Variants in CACNA2D1 observed in about 807,000 individuals in gnomAD.
The protein encoded by CACNA2D1 is calcium voltage-gated channel auxiliary subunit alpha2delta 1, also known as voltage-dependent calcium channel subunit alpha-2/delta-1.
CACNA2D1 carries 53 observed loss-of-function variants against 171.5 expected under a neutral mutation model. The ratio of observed to expected loss-of-function variants is 0.31; its 90% CI spans 0.25 to 0.39. The LOEUF (loss-of-function observed/expected upper bound fraction) is 0.39. CACNA2D1 is among the 10% of genes least tolerant of loss of function. CACNA2D1 has a pLI of 1.00. For synonymous variants in CACNA2D1, 442 were observed against 443.1 expected (o/e 1.00, Z 0.03); for missense variants, 903 against 1,299.8 (o/e 0.69, Z 4.69).
chr7:82,030,630 T>C (rs1802570850), intron 12 of CACNA2D1, among the ~76,000 whole-genome samples: 1 of 151,816 alleles, frequency 6.6e-6, no homozygotes. Context: ...ACAAGATTCC[T>C]AGTGGTTGCT....
At chr7:82,082,697 C>T (rs1809946348) in intron 7 of CACNA2D1, among the ~76,000 whole-genome samples, 1 of 151,166 alleles carries the variant, frequency 6.6e-6, no homozygotes, top group South Asian at 2.1e-4. Flanking sequence ...TAATGTTTCA[C>T]TGGAAACCCG....
At position 81,984,425 on chromosome 7, in the gene CACNA2D1, G is replaced by T. The variant is rs113118147; in HGVS notation, c.1873+210C>A. Among the ~76,000 whole-genome samples, 1,407 of 152,234 alleles carry T rather than the reference G, an allele frequency of 9.2e-3. 21 individuals carry two copies. The highest frequency in any genetic ancestry group is 0.032 in the African/African-American group (1,340 of 41,530). Reference sequence around the variant, plus strand: ...GGGAAGGGTGGTGGGGACTGCCAGTGAGACTGGAGTACCTGCTCATATTCT... The same window carrying T: ...GGGAAGGGTGGTGGGGACTGCCAGTTAGACTGGAGTACCTGCTCATATTCT... On this transcript the variant is annotated intron_variant, in intron 22 of 38. Coordinates refer to ENST00000356860, the MANE Select transcript of CACNA2D1 (RefSeq NM_000722.4).
chr7:82,226,627 G>A (rs74893694), intron 3 of CACNA2D1, among the ~76,000 whole-genome samples: 14,733 of 152,048 alleles, frequency 0.097, 1,714 homozygotes, highest in African/African-American at 0.25. Context: ...TCATTCAATC[G>A]TGCATTATAT....
intron 3 of CACNA2D1, among the ~76,000 whole-genome samples, chr7:82,224,296 G>C (rs904850124): frequency 1.3e-5 from 2 of 152,120 alleles, no homozygotes; most frequent in South Asian, 2.1e-4. Context: ...AATAAGAATA[G>C]CTAATATTTG....
At chr7:82,149,008 A>C (rs1793477115) in intron 4 of CACNA2D1, among the ~76,000 whole-genome samples, 2 of 152,188 alleles carry the variant, frequency 1.3e-5, no homozygotes, top group Non-Finnish European at 2.9e-5. Flanking sequence ...GAGAAGAGTC[A>C]CTACACATCA....
intron 4 of CACNA2D1, among the ~76,000 whole-genome samples, chr7:82,139,951 T>TTATTAC (rs1300518533): frequency 6.7e-6 from 1 of 148,294 alleles, no homozygotes; most frequent in Non-Finnish European, 1.5e-5. Context: ...CTGGCTATTA[T>TTATTAC]TATTATTATT....
At chr7:82,117,964 T>C (rs982410200) in intron 5 of CACNA2D1, among the ~76,000 whole-genome samples, 6 of 152,340 alleles carry the variant, frequency 3.9e-5, no homozygotes, top group Non-Finnish European at 8.8e-5. Context: ...AGAAATAATA[T>C]GGCAATGAAG....
intron 11 of CACNA2D1, among the ~76,000 whole-genome samples, chr7:82,034,166 T>C (rs1236799368): frequency 6.6e-6 from 1 of 152,128 alleles, no homozygotes; most frequent in Non-Finnish European, 1.5e-5. Flanking sequence ...CAACATATCA[T>C]TTCAGATCAG....
At chr7:82,348,256 G>A (rs1029214034) in intron 2 of CACNA2D1, among the ~76,000 whole-genome samples, 3 of 152,102 alleles carry the variant, frequency 2.0e-5, no homozygotes, top group Non-Finnish European at 4.4e-5. Flanking sequence ...CTTTCATAGA[G>A]GCTCACTTAC....
chr7:82,353,273 A>C (rs1212000297), intron 1 of CACNA2D1, among the ~76,000 whole-genome samples: 4 of 152,142 alleles, frequency 2.6e-5, no homozygotes, highest in Admixed American at 6.6e-5. Flanking sequence ...TTGGATATAG[A>C]AAGTGAAGGA....
chr7:82,274,750 A>C (rs929309183), intron 3 of CACNA2D1, among the ~76,000 whole-genome samples: 1 of 152,038 alleles, frequency 6.6e-6, no homozygotes, highest in Non-Finnish European at 1.5e-5. Context: ...TAGATTACAA[A>C]CTCTATGAGG....
At chr7:82,194,896 A>G (rs1471694437) in intron 3 of CACNA2D1, among the ~76,000 whole-genome samples, 1 of 149,564 alleles carries the variant, frequency 6.7e-6, no homozygotes, top group Admixed American at 6.7e-5. Context: ...CAGCACAAGA[A>G]TGGGGGGCGG....
chr7:82,342,644 A>T (rs918026841), intron 2 of CACNA2D1, among the ~76,000 whole-genome samples: 1 of 152,210 alleles, frequency 6.6e-6, no homozygotes, highest in Non-Finnish European at 1.5e-5. Context: ...GAGTGTTCCA[A>T]TGAAGAGATA....
At chr7:82,349,366 A>G (rs1819595058) in intron 2 of CACNA2D1, among the ~76,000 whole-genome samples, 1 of 152,196 alleles carries the variant, frequency 6.6e-6, no homozygotes, top group African/African-American at 2.4e-5. Flanking sequence ...AAGTGTGCTG[A>G]GAAAGTTTCC....
chr7:82,296,767 T>C (rs1316734662), intron 3 of CACNA2D1, among the ~76,000 whole-genome samples: 1 of 152,110 alleles, frequency 6.6e-6, no homozygotes, highest in South Asian at 2.1e-4. Flanking sequence ...TAGGTGAATA[T>C]GAATTTTTGC....
chr7:82,230,607 C>G (rs1585164909), intron 3 of CACNA2D1, among the ~76,000 whole-genome samples: 1 of 152,092 alleles, frequency 6.6e-6, no homozygotes, highest in African/African-American at 2.4e-5. Context: ...AATTTGGTAG[C>G]CAAATGGGTG....
intron 3 of CACNA2D1, among the ~76,000 whole-genome samples, chr7:82,315,472 A>T (rs1309385830): frequency 6.6e-6 from 1 of 152,228 alleles, no homozygotes; most frequent in Non-Finnish European, 1.5e-5. Flanking sequence ...CAGTCATCAA[A>T]GTAAACATCA....
rs1554324643 is a variant in CACNA2D1 at position 81,955,910 on chromosome 7, G to GTT, written c.3159+3364_3159+3365insAA. Among the ~76,000 whole-genome samples, 11 of 15,800 alleles carry GTT rather than the reference G, an allele frequency of 7.0e-4. 1 individual carries two copies. Among genetic ancestry groups the GTT allele is most frequent in the African/African-American group, 1.6e-3 (9 of 5,568 alleles). The allele number at this position is 15,800 out of a possible 152,430, so 10.4% of individuals were successfully genotyped here. On this transcript the variant is annotated intron_variant, in intron 38 of 38. Transcript: ENST00000356860. ...ATAGGAAAATGTTATTTTGGTGGGG[G>GTT]GGGGGGGGGGTGGTGGTCTTAGGTT...
intron 6 of CACNA2D1, among the ~76,000 whole-genome samples, chr7:82,106,491 C>A (rs1271328418): frequency 6.6e-6 from 1 of 151,986 alleles, no homozygotes; most frequent in Non-Finnish European, 1.5e-5. Context: ...TGCACACATT[C>A]TTTTTCATGT....
Sources: allele counts gnomAD v4.1 joint callset (sites outside exome capture counted in the v4.1 genomes callset), GRCh38; gene constraint gnomAD v4.1.1; transcripts MANE v1.5; gene names NCBI Gene and HGNC (gene_info 2026-07-23, HGNC 2026-07-21).